Variants in LAMA2 observed in about 807,000 individuals in gnomAD.
The protein encoded by LAMA2 is laminin subunit alpha 2.
Under a neutral mutation model 364.8 loss-of-function variants are expected in LAMA2, and 269 were observed. The ratio of observed to expected loss-of-function variants is 0.74; its 90% CI spans 0.67 to 0.82. The LOEUF is 0.82. Ranked by LOEUF, LAMA2 falls within the 40% of genes least tolerant of loss-of-function variation. The probability of loss-of-function intolerance (pLI) is 0.00; values close to 1 mark genes in which losing one functional copy is unlikely to be tolerated. For synonymous variants in LAMA2, 1,379 were observed against 1,370.6 expected (o/e 1.01, Z -0.14); for missense variants, 3,807 against 3,873.2 (o/e 0.98, Z 0.45).
In LAMA2 at chr6:129,197,810, G is replaced by A. The variant is rs150682963; in HGVS notation, c.1782+4957G>A. Among the ~76,000 whole-genome samples the A allele has an allele frequency of 8.5e-3, 1,294 of 152,316 alleles. 12 individuals are homozygous for A. The highest frequency in any genetic ancestry group is 0.034 in the Middle Eastern group (10 of 294). On this transcript the variant is annotated intron_variant, in intron 12 of 64. Transcript: ENST00000421865. ...TCCCATAGCTATGATAGAATCTGCT[G>A]TGTAAAAGTAACACAAATGCAGGAG...
At chr6:129,484,130 A>G (rs1192319938) in intron 55 of LAMA2, among the ~76,000 whole-genome samples, 1 of 152,182 alleles carries the variant, frequency 6.6e-6, no homozygotes, top group East Asian at 1.9e-4. Context: ...TCATCAAACA[A>G]CACAAAACAC....
At chr6:129,037,448 T>C (rs1786720509) in intron 1 of LAMA2, among the ~76,000 whole-genome samples, 1 of 152,188 alleles carries the variant, frequency 6.6e-6, no homozygotes, top group African/African-American at 2.4e-5. Context: ...GGCTTTTCCA[T>C]AGAAAGACTC....
rs543987764 is a variant in LAMA2, at chr6:128,954,992, AAT to A, written c.112+71637_112+71638del. ...AGGCACAGGTGTGAGCAAAAAAAAA[AAT>A]AATAAGAATCACTCCTCACAAGGAA... is the stretch of plus-strand genomic sequence containing the variant. On this transcript the variant is annotated intron_variant, in intron 1 of 64. Transcript: ENST00000421865. 3.8e-3 allele frequency among the ~76,000 whole-genome samples: 574 copies of A among 151,532 alleles called. 3 individuals carry two copies. The highest frequency in any genetic ancestry group is 0.013 in the African/African-American group (553 of 41,418).
At chr6:129,498,575 G>A (rs1785376360) in intron 58 of LAMA2, among the ~76,000 whole-genome samples, 1 of 152,132 alleles carries the variant, frequency 6.6e-6, no homozygotes, top group Non-Finnish European at 1.5e-5. Flanking sequence ...GAAGATTAAA[G>A]TCAGTGCTAT....
intron 44 of LAMA2, among the ~76,000 whole-genome samples, chr6:129,445,164 A>G (rs974156263): frequency 3.9e-5 from 6 of 152,184 alleles, no homozygotes; most frequent in African/African-American, 7.2e-5. Context: ...CAACATCAAA[A>G]TGTTCTTCAA....
chr6:129,077,340 A>T (rs961125553), intron 3 of LAMA2, among the ~76,000 whole-genome samples: 1 of 152,128 alleles, frequency 6.6e-6, no homozygotes, highest in Non-Finnish European at 1.5e-5. Context: ...GTAAAAAGAC[A>T]TTTTCCCACT....
intron 12 of LAMA2, among the ~76,000 whole-genome samples, chr6:129,227,945 G>A (rs1007699890): frequency 1.3e-5 from 2 of 152,254 alleles, no homozygotes; most frequent in Non-Finnish European, 1.5e-5. Context: ...ACAGAGGCAG[G>A]CAGGCATCCT....
intron 1 of LAMA2, among the ~76,000 whole-genome samples, chr6:128,947,117 C>G (rs1206323217): frequency 6.6e-6 from 1 of 152,108 alleles, no homozygotes; most frequent in Non-Finnish European, 1.5e-5. Context: ...TTCACTAAGC[C>G]TTAATTAGGT....
At chr6:129,005,256 C>G (rs953897833) in intron 1 of LAMA2, among the ~76,000 whole-genome samples, 1 of 151,934 alleles carries the variant, frequency 6.6e-6, no homozygotes, top group African/African-American at 2.4e-5. Flanking sequence ...TCTTCCCACC[C>G]TTCCTTTTCT....
chr6:129,326,516 C>T (rs1384137663), intron 28 of LAMA2, among the ~76,000 whole-genome samples: 1 of 151,592 alleles, frequency 6.6e-6, no homozygotes, highest in Non-Finnish European at 1.5e-5. Flanking sequence ...TTATTTTAAA[C>T]TTTTGTTTGA....
At chr6:129,440,740 TC>T (rs1782065103) in intron 42 of LAMA2, 75 bp from the exon 43 acceptor site, 2 of 1,295,278 alleles carry the variant, frequency 1.5e-6, no homozygotes, top group Admixed American at 1.7e-5. Flanking sequence ...AGCCACAGCC[TC>T]GCTTTGTCAA....
Position 129,377,407 on chromosome 6 carries a change from A to G in LAMA2, c.4960-5715A>G, listed in dbSNP as rs1051513387. Among the ~76,000 whole-genome samples the G allele has an allele frequency of 7.9e-5, 12 of 152,146 alleles. 1 individual carries two copies. The Middle Eastern group carries it at 0.01, about 129-fold the overall frequency. Reference sequence around the variant, plus strand: ...TTTTTAAAAGATATATATATAATATAAAACAAGTCATATCTTTTTGGTTTG... The same window carrying G: ...TTTTTAAAAGATATATATATAATATGAAACAAGTCATATCTTTTTGGTTTG... On this transcript the variant is annotated intron_variant, in intron 34 of 64. Transcript: ENST00000421865.
chr6:129,355,922 A>C (rs1777128611), intron 32 of LAMA2, among the ~76,000 whole-genome samples: 1 of 152,130 alleles, frequency 6.6e-6, no homozygotes, highest in Non-Finnish European at 1.5e-5. Context: ...GATCTCAGGT[A>C]ATTTGCATAT....
At chr6:129,204,218 G>A (rs1285489763) in intron 12 of LAMA2, among the ~76,000 whole-genome samples, 3 of 152,180 alleles carry the variant, frequency 2.0e-5, no homozygotes, top group Admixed American at 6.5e-5. Flanking sequence ...TACCCGCAGA[G>A]TGTTTTAGAC....
In LAMA2 at chr6:129,314,770, C is replaced by G. The variant is rs1774472269; in HGVS notation, c.3527C>G (p.Ser1176Cys). ...TGCTTCGGCACTACTACCCAGTGCT[C>G]TGAAGCAAAAGGACTGATCCGGACG... is the stretch of plus-strand genomic sequence containing the variant. ...CYCFGTTTQC[S>C]EAKGLIRTWV... The change falls in exon 24 of 65, where the codon TCT becomes TGT. Residue 1176 changes from serine to cysteine, a missense_variant. Physicochemically the swap from Ser to Cys is moderately radical, Grantham distance 112. Coordinates refer to ENST00000421865, the MANE Select transcript of LAMA2 (RefSeq NM_000426.4). 1 of 1,613,990 alleles carries G rather than the reference C, an allele frequency of 6.2e-7. No homozygotes were observed. The highest frequency in any genetic ancestry group is 8.5e-7 in the Non-Finnish European group (1 of 1,180,030).
At chr6:129,083,165 A>G (rs1774173361) in intron 3 of LAMA2, among the ~76,000 whole-genome samples, 1 of 152,220 alleles carries the variant, frequency 6.6e-6, no homozygotes, top group Non-Finnish European at 1.5e-5. Context: ...AATAAACTTT[A>G]TAAAGTTTTA....
intron 12 of LAMA2, among the ~76,000 whole-genome samples, chr6:129,233,812 A>G (rs777151397): frequency 2.6e-5 from 4 of 152,222 alleles, no homozygotes; most frequent in African/African-American, 4.8e-5. Flanking sequence ...TAAAAATATC[A>G]TAGAGATTTT....
chr6:129,098,432 C>T lies in LAMA2; in HGVS notation c.639+17C>T, dbSNP rs1406026893. 6.2e-7 allele frequency: 1 copy of T among 1,613,628 alleles called. No individual in the cohort carries two copies. Among genetic ancestry groups the T allele is most frequent in the African/African-American group, 1.3e-5 (1 of 75,026 alleles). ...AATGGAGAGGTAAGATGAGAAAACT[C>T]ACCATTTAAGCACATTTGATACGGT... On this transcript the variant is annotated intron_variant, in intron 4 of 64. Coordinates refer to ENST00000421865, the MANE Select transcript of LAMA2 (RefSeq NM_000426.4).
intron 32 of LAMA2, among the ~76,000 whole-genome samples, chr6:129,354,069 T>C (rs1777018669): frequency 6.6e-6 from 1 of 152,246 alleles, no homozygotes; most frequent in Non-Finnish European, 1.5e-5. Context: ...AGTGCTCTTC[T>C]ATAGTATTCT....
Sources: allele counts gnomAD v4.1 joint callset (sites outside exome capture counted in the v4.1 genomes callset), GRCh38; gene constraint gnomAD v4.1.1; transcripts MANE v1.5; gene names NCBI Gene and HGNC (gene_info 2026-07-23, HGNC 2026-07-21).